Variants in ZBTB20 observed in about 807,000 individuals in gnomAD.
ZBTB20 encodes zinc finger and BTB domain containing 20.
Under a neutral mutation model 56.9 loss-of-function variants are expected in ZBTB20, and 9 were observed. The ratio of observed to expected loss-of-function variants is 0.16; its 90% confidence interval spans 0.10 to 0.28. ZBTB20 has a LOEUF of 0.28. ZBTB20 is among the 10% of genes least tolerant of loss of function. ZBTB20 has a pLI of 1.00. For synonymous variants in ZBTB20, 417 were observed against 420.7 expected (o/e 0.99, Z 0.11); for missense variants, 655 against 1,003.0 (o/e 0.65, Z 4.69).
At chr3:114,893,720 A>T (rs2074734152) in intron 4 of ZBTB20, among the ~76,000 whole-genome samples, 1 of 151,926 alleles carries the variant, frequency 6.6e-6, no homozygotes. Flanking sequence ...TAGTGAAAAA[A>T]AAAAGATGAG....
intron 6 of ZBTB20, among the ~76,000 whole-genome samples, chr3:114,647,322 A>C (rs541187921): frequency 6.6e-6 from 1 of 152,346 alleles, no homozygotes; most frequent in South Asian, 2.1e-4. Flanking sequence ...AATAAAGGTA[A>C]AATTATCATA....
intron 6 of ZBTB20, among the ~76,000 whole-genome samples, chr3:114,692,344 A>G (rs2062749944): frequency 6.6e-6 from 1 of 152,114 alleles, no homozygotes; most frequent in African/African-American, 2.4e-5. Flanking sequence ...TGAGATGGAT[A>G]TGCTCAGAGA....
intron 6 of ZBTB20, among the ~76,000 whole-genome samples, chr3:114,574,869 T>C (rs2053840606): frequency 1.3e-5 from 2 of 152,246 alleles, no homozygotes; most frequent in Admixed American, 6.5e-5. Context: ...TTCTTGGATA[T>C]TCCCTTATGA....
At chr3:114,883,572 T>TA (rs2076477540) in intron 4 of ZBTB20, among the ~76,000 whole-genome samples, 2 of 152,150 alleles carry the variant, frequency 1.3e-5, no homozygotes. Flanking sequence ...ATGTTTTTGA[T>TA]ATTGGATAAC....
Position 114,335,373 on chromosome 3 carries a change from T to A in ZBTB20, c.*3632A>T, listed in dbSNP as rs1348311627. 1 of 151,248 alleles carries A rather than the reference T, an allele frequency of 6.6e-6. No homozygotes were observed. Among genetic ancestry groups the A allele is most frequent in the Non-Finnish European group, 1.5e-5 (1 of 67,666 alleles). The allele number at this position is 151,248 out of a possible 1,614,324, so 9.4% of individuals were successfully genotyped here. ...CTGTAGGACTTGAAACAAAAAAAAA[T>A]TAAAAAGATCCACACTCATTCTTTG... On this transcript the variant is annotated 3_prime_UTR_variant, in exon 12 of 12. Transcript: ENST00000675478.
rs909466581 is a variant in ZBTB20 at position 114,337,808 on chromosome 3, A to G, written c.*1197T>C. On this transcript the variant is annotated 3_prime_UTR_variant, in exon 12 of 12. Transcript: ENST00000675478. The stretch of plus-strand genomic sequence containing the variant: ...TAACCTTAACAGTCTTGACTTACCA[A>G]AAAATATATATATGTGTGTGAAATA... The G allele has an allele frequency of 2.6e-5, 4 of 152,150 alleles. No homozygotes were observed. Among genetic ancestry groups the G allele is most frequent in the African/African-American group, 9.6e-5 (4 of 41,464 alleles). The allele number at this position is 152,150 out of a possible 1,614,324, so 9.4% of individuals were successfully genotyped here. A position where few individuals can be genotyped will look rare whatever the true frequency, so the allele number is the denominator to read the frequency against.
intron 6 of ZBTB20, among the ~76,000 whole-genome samples, chr3:114,666,829 G>C (rs1203267198): frequency 6.6e-6 from 1 of 151,978 alleles, no homozygotes; most frequent in Non-Finnish European, 1.5e-5. Context: ...TACAGAGAAC[G>C]TGGTGTCTCG....
chr3:114,690,431 C>G (rs2108308344), intron 6 of ZBTB20, among the ~76,000 whole-genome samples: 1 of 152,226 alleles, frequency 6.6e-6, no homozygotes, highest in East Asian at 1.9e-4. Flanking sequence ...TGAATAGTCA[C>G]TGACCTACAA....
At chr3:115,094,140 G>A (rs2083296598) in intron 1 of ZBTB20, among the ~76,000 whole-genome samples, 1 of 151,990 alleles carries the variant, frequency 6.6e-6, no homozygotes, top group Admixed American at 6.6e-5. Flanking sequence ...AAAGATCACT[G>A]TTGATTTGGA....
At chr3:114,932,773 C>G (rs1284324932) in intron 3 of ZBTB20, among the ~76,000 whole-genome samples, 1 of 152,096 alleles carries the variant, frequency 6.6e-6, no homozygotes, top group Non-Finnish European at 1.5e-5. Context: ...GCAAAGATAA[C>G]CATCAATAGT....
At chr3:114,524,464 G>T (rs1255495333) in intron 6 of ZBTB20, among the ~76,000 whole-genome samples, 3 of 152,126 alleles carry the variant, frequency 2.0e-5, no homozygotes, top group Non-Finnish European at 4.4e-5. Flanking sequence ...AATGGAAAGA[G>T]TGTTAGTGAG....
intron 5 of ZBTB20, among the ~76,000 whole-genome samples, chr3:114,707,344 A>G (rs898534638): frequency 7.2e-5 from 11 of 152,142 alleles, no homozygotes; most frequent in Admixed American, 6.6e-4. Context: ...AAGCAACTGG[A>G]CAGGAGCTCT....
intron 1 of ZBTB20, among the ~76,000 whole-genome samples, chr3:115,116,188 T>C (rs889224059): frequency 2.0e-5 from 3 of 152,078 alleles, no homozygotes; most frequent in African/African-American, 7.2e-5. Flanking sequence ...TCCAACTCTT[T>C]AACAAACTCC....
At chr3:114,590,225 C>T (rs1235685426) in intron 6 of ZBTB20, among the ~76,000 whole-genome samples, 1 of 151,970 alleles carries the variant, frequency 6.6e-6, no homozygotes, top group Admixed American at 6.6e-5. Flanking sequence ...GAGGGCGAGG[C>T]GGGCGGATCA....
chr3:114,518,094 G>C (rs1207468783), intron 6 of ZBTB20, among the ~76,000 whole-genome samples: 2 of 152,170 alleles, frequency 1.3e-5, no homozygotes, highest in Non-Finnish European at 2.9e-5. Flanking sequence ...TGGCCCATGA[G>C]GGGTTTCCAA....
chr3:114,455,905 T>C (rs1316254062), intron 7 of ZBTB20, among the ~76,000 whole-genome samples: 1 of 151,704 alleles, frequency 6.6e-6, no homozygotes, highest in East Asian at 1.9e-4. Flanking sequence ...GATCAATCTC[T>C]CCCCCTCCCA....
At chr3:114,450,508 T>C (rs2091538596) in intron 7 of ZBTB20, among the ~76,000 whole-genome samples, 1 of 152,142 alleles carries the variant, frequency 6.6e-6, no homozygotes, top group African/African-American at 2.4e-5. Flanking sequence ...AAAATTCACC[T>C]CTGGCTATGA....
chr3:114,371,837 C>T (rs1195212541), intron 10 of ZBTB20, among the ~76,000 whole-genome samples: 1 of 151,980 alleles, frequency 6.6e-6, no homozygotes, highest in African/African-American at 2.4e-5. Flanking sequence ...AACCTTTAAT[C>T]TTGCACTGCT....
intron 1 of ZBTB20, among the ~76,000 whole-genome samples, chr3:115,135,772 T>C (rs2107327215): frequency 6.6e-6 from 1 of 152,326 alleles, no homozygotes; most frequent in African/African-American, 2.4e-5. Context: ...CTAGAAGAGC[T>C]AAGTAATTAT....
Sources: gnomAD v4.1 joint callset for allele counts (sites outside exome capture counted in the v4.1 genomes callset) on GRCh38, gnomAD v4.1.1 for gene constraint, MANE v1.5 for transcripts, NCBI Gene and HGNC (gene_info 2026-07-23, HGNC 2026-07-21) for gene names.